The following KMT2D variants were observed in gnomAD, a reference collection of about 807,000 sequenced individuals.
KMT2D encodes the protein histone-lysine N-methyltransferase 2D.
KMT2D carries 55 observed loss-of-function variants against 512.7 expected under a neutral mutation model. That is an observed-to-expected ratio of 0.11 (90% CI 0.09 to 0.13). The LOEUF is 0.13. Ranked by LOEUF, KMT2D falls within the 10% of genes least tolerant of loss-of-function variation. The pLI is 1.00. For missense variants in KMT2D, 6,061 were observed against 7,127.9 expected (o/e 0.85, Z 5.39); for synonymous variants, 2,995 against 2,904.0 (o/e 1.03, Z -1.01).
At chr12:49,036,952 C>T (rs1943251340) in intron 35 of KMT2D, among the ~76,000 whole-genome samples, 173 bp downstream of exon 35, 1 of 152,244 alleles carries the variant, frequency 6.6e-6, no homozygotes, top group South Asian at 2.1e-4. Context: ...GAACTGTTCT[C>T]TCTCTTCTTA....
In KMT2D at chr12:49,042,058, G is replaced by C. The variant is rs748753812; in HGVS notation, c.6109+31C>G. On this transcript the variant is annotated intron_variant, in intron 29 of 54. Transcript: ENST00000301067. The surrounding 1 kb of genome is among the most constrained non-coding windows in gnomAD (Gnocchi z 4.4). ...ACTCCTCCACCTGCCATGTTGCCAG[G>C]CTGTCTCCCTTGCCCTCATCCCACA... 2 of 1,612,570 alleles carry C rather than the reference G, an allele frequency of 1.2e-6. No individual in the cohort carries two copies. Among genetic ancestry groups the C allele is most frequent in the Non-Finnish European group, 1.7e-6 (2 of 1,178,766 alleles).
At chr12:49,034,364 G>A (rs1943110300) in intron 38 of KMT2D, 46 bp downstream of exon 38, 1 of 1,611,280 alleles carries the variant, frequency 6.2e-7, no homozygotes, top group Non-Finnish European at 8.5e-7. Context: ...TCCTCCATAT[G>A]ACCCAAACCA....
Position 49,054,992 on chromosome 12 carries a change from G to T in KMT2D, c.84C>A (p.Ala28=). 1 of 1,614,000 alleles carries T rather than the reference G, an allele frequency of 6.2e-7. No homozygotes were observed. The highest frequency in any genetic ancestry group is 8.5e-7 in the Non-Finnish European group (1 of 1,179,868). Residue 28 remains alanine, a synonymous_variant, in exon 3 of 55, where the codon GCC becomes GCA. Transcript: ENST00000301067. This position sits in a 1 kb window ranked among gnomAD's most constrained non-coding sequence, Gnocchi z 6.4. ...DGPAASEDPS[A]TESDLPNPHV... is the part of the protein sequence containing the mutation. ...GTGGGTTGGGCAGGTCTGACTCAGT[G>T]GCACTTGGGTCCTCAGAAGCTGCAG...
intron 13 of KMT2D, 29 bp downstream of exon 13, chr12:49,049,076 G>T: frequency 1.4e-6 from 2 of 1,386,812 alleles, no homozygotes; most frequent in Admixed American, 1.8e-5. Context: ...ATGGTTGGGG[G>T]ATGGGAGGAA....
chr12:49,043,321 A>G (rs1943625223), intron 25 of KMT2D, 42 bp downstream of exon 25: 1 of 1,604,662 alleles, frequency 6.2e-7, no homozygotes, highest in Non-Finnish European at 8.5e-7. Flanking sequence ...GACAGAGGCA[A>G]GCAAGGCCAA....
chr12:49,048,792 A>AAC, intron 13 of KMT2D, 23 bp from the exon 14 acceptor site: 1 of 1,493,800 alleles, frequency 6.7e-7, no homozygotes, highest in Non-Finnish European at 9.3e-7. Context: ...GAGTTATGGA[A>AAC]AGTGAGGCAG....
chr12:49,024,274 C>T lies in KMT2D; in HGVS notation c.16052+304G>A, dbSNP rs1026667900. On this transcript the variant is annotated intron_variant, in intron 51 of 54. Coordinates refer to ENST00000301067, the MANE Select transcript of KMT2D (RefSeq NM_003482.4). The surrounding 1 kb of genome is among the most constrained non-coding windows in gnomAD (Gnocchi z 4.5). ...CACAGGCCCTCCCCCAGAAGTAAAA[C>T]AGGAGAAGAAAGAGGTGACCAAGTC... Among the ~76,000 whole-genome samples the T allele has an allele frequency of 2.6e-5, 4 of 152,080 alleles. No individual in the cohort carries two copies. The highest frequency in any genetic ancestry group is 9.7e-5 in the African/African-American group (4 of 41,398).
rs2120531212 is a variant in KMT2D, at chr12:49,040,593, C to T, written c.7177G>A (p.Glu2393Lys). 6.2e-7 allele frequency: 1 copy of T among 1,612,796 alleles called. No individual in the cohort carries two copies. The highest frequency in any genetic ancestry group is 2.2e-5 in the East Asian group (1 of 44,816). The change falls in exon 32 of 55, where the codon GAG becomes AAG. Residue 2393 changes from glutamate to lysine, a missense_variant. Physicochemically the swap from Glu to Lys is moderately conservative, Grantham distance 56. Transcript: ENST00000301067. ...CGAGGGGGCAGAGCACAGCAGCTCT[C>T]AGGGGGCGGAGGTTGGGGCCGAGGA... The part of the protein sequence containing the change: ...LTPRPQPPPP[E>K]SCCALPPRSL...
rs1437445870 is a variant in KMT2D, at chr12:49,027,184, G to T, written c.14782C>A (p.Pro4928Thr). 4 of 1,544,632 alleles carry T rather than the reference G, an allele frequency of 2.6e-6. No individual in the cohort carries two copies. The highest frequency in any genetic ancestry group is 3.9e-5 in the Admixed American group (2 of 51,716). The change falls in exon 49 of 55, where the codon CCC becomes ACC. Residue 4928 changes from proline (P) to threonine (T), a missense_variant. Physicochemically the swap from Pro to Thr is conservative, Grantham distance 38. Transcript: ENST00000301067. ...PSPLAPSPAS[P>T]PTEPLVELPT... ...AGTTCAACCAAGGGCTCAGTAGGGG[G>T]ACTGGCAGGAGAAGGTGCCAAGGGG...
In KMT2D at chr12:49,032,946, A is replaced by T. The variant is rs1486654254; in HGVS notation, c.11759T>A (p.Leu3920Gln). 1.9e-6 allele frequency: 3 copies of T among 1,549,564 alleles called. No individual in the cohort carries two copies. Among genetic ancestry groups the T allele is most frequent in the South Asian group, 1.2e-5 (1 of 83,974 alleles). ...QQLQQQQQQQ[L>Q]QQQQQLQQQQ... ...CTGCTGAAGTTGCTGTTGCTGTTGTAGCTGCTGCTGCTGCTGCTGCTGAAG... is the reference window on the plus strand; with the variant it reads ...CTGCTGAAGTTGCTGTTGCTGTTGTTGCTGCTGCTGCTGCTGCTGCTGAAG... The change falls in exon 40 of 55, where the codon CTA becomes CAA. Residue 3920 changes from leucine (L) to glutamine (Q), a missense_variant. Physicochemically the swap from Leu to Gln is moderately radical, Grantham distance 113. Transcript: ENST00000301067.
chr12:49,029,308 T>A (rs1942767662), intron 44 of KMT2D, 72 bp from the exon 45 acceptor site: 5 of 1,590,130 alleles, frequency 3.1e-6, no homozygotes, highest in Non-Finnish European at 4.3e-6. Flanking sequence ...GATGAATAGA[T>A]GTCTTACTTG....
intron 15 of KMT2D, among the ~76,000 whole-genome samples, chr12:49,047,159 G>A (rs1045551777): frequency 1.3e-5 from 2 of 151,714 alleles, no homozygotes; most frequent in Non-Finnish European, 2.9e-5. Context: ...CCTAGGAGGT[G>A]GAACTTCTAA....
chr12:49,026,035 T>G lies in KMT2D; in HGVS notation c.15784+147A>C. On this transcript the variant is annotated intron_variant, in intron 49 of 54. Transcript: ENST00000301067. This position sits in a 1 kb window ranked among gnomAD's most constrained non-coding sequence, Gnocchi z 9.6. ...GAGGCTCAAACACTTTCACTGGGAG[T>G]TTTCAAGAGACCCCCTGCCTGCCTG... is the stretch of plus-strand genomic sequence containing the variant. 6 of 683,132 alleles carry G rather than the reference T, an allele frequency of 8.8e-6. No individual in the cohort carries two copies. Among genetic ancestry groups the G allele is most frequent in the Non-Finnish European group, 9.2e-6 (4 of 434,434 alleles). The allele number at this position is 683,132 out of a possible 1,614,324, so 42.3% of individuals were successfully genotyped here.
chr12:49,026,670 C>A lies in KMT2D; in HGVS notation c.15296G>T (p.Gly5099Val), dbSNP rs768386876. The stretch of plus-strand genomic sequence containing the variant: ...CATGCGATTGCAGCTGCTGGTGGCA[C>A]CAGTTCGCTGGCACAGGGAGCACTT... The part of the protein sequence containing the change: ...LTKCSLCQRT[G>V]ATSSCNRMRC... The change falls in exon 49 of 55, where the codon GGT (glycine) becomes GTT (valine). Residue 5099 changes from glycine (G) to valine (V), a missense_variant. Gly to Val is a moderately radical substitution (Grantham distance 109, BLOSUM62 -3). Around this residue, in one of 16 missense-constraint regions of KMT2D, gnomAD observed 261 missense variants for 440.7 expected, o/e 0.59. Transcript: ENST00000301067. The surrounding 1 kb of genome is among the most constrained non-coding windows in gnomAD (Gnocchi z 9.6). 1 of 1,613,990 alleles carries A rather than the reference C, an allele frequency of 6.2e-7. No homozygotes were observed. Among genetic ancestry groups the A allele is most frequent in the Non-Finnish European group, 8.5e-7 (1 of 1,179,904 alleles).
intron 1 of KMT2D, among the ~76,000 whole-genome samples, chr12:49,056,261 T>C (rs896674845): frequency 1.3e-5 from 2 of 152,196 alleles, no homozygotes; most frequent in African/African-American, 2.4e-5. Flanking sequence ...AGTAGCTTCC[T>C]TCCTCTTCCC....
chr12:49,048,199 T>C, intron 14 of KMT2D, 130 bp from the exon 15 acceptor site: 1 of 608,850 alleles, frequency 1.6e-6, no homozygotes, highest in Non-Finnish European at 2.9e-6. Flanking sequence ...GTTAGGATGC[T>C]GTAAGCTACC....
Position 49,022,650 on chromosome 12 carries a change from G to A in KMT2D, c.16278C>T (p.Tyr5426=), listed in dbSNP as rs2137706525. 6.2e-7 allele frequency: 1 copy of A among 1,613,996 alleles called. No individual in the cohort carries two copies. The highest frequency in any genetic ancestry group is 8.5e-7 in the Non-Finnish European group (1 of 1,179,880). ...DLEKHTMVIE[Y]IGTIIRNEVA... ...CCTCGTTCCGAATGATGGTGCCAAT[G>A]TACTCGATAACCATTGTGTGCTTTT... The change falls in exon 52 of 55, where the codon TAC becomes TAT. Residue 5426 remains tyrosine (Y), a synonymous_variant. Coordinates refer to ENST00000301067, the MANE Select transcript of KMT2D (RefSeq NM_003482.4). This position sits in a 1 kb window ranked among gnomAD's most constrained non-coding sequence, Gnocchi z 8.6.
At position 49,037,830 on chromosome 12, in the gene KMT2D, T is replaced by G; in HGVS notation, c.9526A>C (p.Ser3176Arg). ...TRMGTGPFSS[S>R]GHTAEKASFG... ...GAGGCCTTCTCAGCTGTGTGCCCACTGCTAGAAAATGGCCCTGTGCCCATC... is the reference window on the plus strand; with the variant it reads ...GAGGCCTTCTCAGCTGTGTGCCCACGGCTAGAAAATGGCCCTGTGCCCATC... The change falls in exon 35 of 55, where the codon AGT becomes CGT. Residue 3176 changes from serine to arginine, a missense_variant. Transcript: ENST00000301067. 1 of 1,596,988 alleles carries G rather than the reference T, an allele frequency of 6.3e-7. No individual in the cohort carries two copies. Among genetic ancestry groups the G allele is most frequent in the South Asian group, 1.1e-5 (1 of 88,268 alleles).
rs752346893 is a variant in KMT2D, at chr12:49,040,841, G to A, written c.6929C>T (p.Pro2310Leu). ...GCCACCCAGGTGGGTGCCTGAGGAG[G>A]GTGAGTCAACAAAGCCCAGGTTTGG... ...GPPNLGFVDSPSSGTHLGGLE... is the reference protein window; with the variant it reads ...GPPNLGFVDSLSSGTHLGGLE... Residue 2310 changes from proline (P) to leucine (L), a missense_variant, in exon 32 of 55, where the codon CCC (proline) becomes CTC (leucine). Physicochemically the swap from Pro to Leu is moderately conservative, Grantham distance 98 (BLOSUM62 -3). This residue lies in a region of KMT2D where 710 missense variants were observed against 647.3 expected (regional missense o/e 1.10). Coordinates refer to ENST00000301067, the MANE Select transcript of KMT2D (RefSeq NM_003482.4). 1.2e-6 allele frequency: 2 copies of A among 1,613,766 alleles called. No individual in the cohort carries two copies. Among genetic ancestry groups the A allele is most frequent in the South Asian group, 1.1e-5 (1 of 91,080 alleles).
Sources: allele counts gnomAD v4.1 joint callset (sites outside exome capture counted in the v4.1 genomes callset), GRCh38; gene constraint gnomAD v4.1.1; regional missense constraint gnomAD v4.1.1; non-coding constraint Gnocchi (gnomAD v3.1); transcripts MANE v1.5; gene names NCBI Gene and HGNC (gene_info 2026-07-23, HGNC 2026-07-21).